Variants in GTF3C3 observed in about 807,000 individuals in gnomAD.
GTF3C3 encodes general transcription factor 3C polypeptide 3.
GTF3C3 carries 75 observed loss-of-function variants against 105.2 expected under a neutral mutation model. That is an observed-to-expected ratio of 0.71 (90% confidence interval 0.59 to 0.86). GTF3C3 has a LOEUF of 0.86. GTF3C3 is among the 40% of genes least tolerant of loss of function. The probability of loss-of-function intolerance (pLI) is 0.00; values close to 1 mark genes in which losing one functional copy is unlikely to be tolerated. For missense variants in GTF3C3, 856 were observed against 1,076.5 expected, an observed-to-expected ratio of 0.80 and a Z score of 2.87; for synonymous variants, 335 against 370.4, an observed-to-expected ratio of 0.90 and a Z score of 1.10.
chr2:196,779,159 T>C, intron 9 of GTF3C3, 92 bp from the exon 10 acceptor site: 1 of 992,746 alleles, frequency 1.0e-6, no homozygotes. Context: ...ATGAAGTCTC[T>C]CCCTGTCACC....
At chr2:196,781,355 A>ATATATATTATAT (rs1442698575) in intron 8 of GTF3C3, among the ~76,000 whole-genome samples, 1 of 31,186 alleles carries the variant, frequency 3.2e-5, no homozygotes, top group Non-Finnish European at 7.2e-5. Flanking sequence ...AAAAAAAAAA[A>ATATATATTATAT]AAATATATAT....
intron 1 of GTF3C3, among the ~76,000 whole-genome samples, chr2:196,798,149 T>C (rs1338310155): frequency 6.6e-6 from 1 of 152,164 alleles, no homozygotes; most frequent in Non-Finnish European, 1.5e-5. Flanking sequence ...AGTACTTATA[T>C]CTTACCCTTC....
rs1699520753 is a variant in GTF3C3 at position 196,790,068 on chromosome 2, G to A, written c.538C>T (p.Pro180Ser). 5 of 1,582,358 alleles carry A rather than the reference G, an allele frequency of 3.2e-6. No homozygotes were observed. The highest frequency in any genetic ancestry group is 3.4e-6 in the Non-Finnish European group (4 of 1,166,770). Residue 180 changes from proline (P) to serine (S), a missense_variant and splice_region_variant, in exon 5 of 18, where the codon CCT (proline) becomes TCT (serine). By Grantham distance (74) the Pro-to-Ser change is moderately conservative. Around this residue, in one of 3 missense-constraint regions of GTF3C3, gnomAD observed 605 missense variants for 833.6 expected, o/e 0.73. Transcript: ENST00000263956. The stretch of plus-strand genomic sequence containing the variant: ...GTAGAGAATGGCTCATAAGCCAGAG[G>A]AGCTATAACAAATTAAAAAAATAAA... ...LMCMEIIRQA[P>S]LAYEPFSTLA...
intron 6 of GTF3C3, among the ~76,000 whole-genome samples, chr2:196,787,573 G>C (rs530661450): frequency 1.3e-5 from 2 of 152,028 alleles, no homozygotes; most frequent in Non-Finnish European, 2.9e-5. Context: ...CCTTTAGTCA[G>C]TATGACCATA....
chr2:196,790,602 T>C lies in GTF3C3; in HGVS notation c.536-532A>G, dbSNP rs540728938. On this transcript the variant is annotated intron_variant, in intron 4 of 17. Transcript: ENST00000263956. The stretch of plus-strand genomic sequence containing the variant: ...AGTCAAAGATTTTTGTCAAGAACAA[T>C]TATAAACTAAAATAAAGGAACAAAT... Among the ~76,000 whole-genome samples, 5 of 152,202 alleles carry C rather than the reference T, an allele frequency of 3.3e-5. No individual in the cohort carries two copies. In the South Asian group the frequency reaches 1.0e-3, roughly 32 times the overall value.
At chr2:196,793,793 A>C (rs1699593715) in intron 2 of GTF3C3, among the ~76,000 whole-genome samples, 1 of 152,186 alleles carries the variant, frequency 6.6e-6, no homozygotes, top group East Asian at 1.9e-4. Context: ...AAATAACATG[A>C]CATAGTTCAT....
chr2:196,771,818 T>G lies in GTF3C3; in HGVS notation c.2190A>C (p.Pro730=). ...RFCLRLMLKN[P]ENHALCVLNG... is the part of the protein sequence containing the mutation. ...TTAAGACACATAGGGCATGATTTTC[T>G]GGGTTTTTCAGCATCAAACGGAGAC... Residue 730 remains proline (P), a synonymous_variant, in exon 15 of 18, where the codon CCA becomes CCC. Transcript: ENST00000263956. The G allele has an allele frequency of 6.2e-7, 1 of 1,613,460 alleles. No individual in the cohort carries two copies. Among genetic ancestry groups the G allele is most frequent in the Non-Finnish European group, 8.5e-7 (1 of 1,179,336 alleles).
At chr2:196,781,727 C>CTTAG (rs971119213) in intron 8 of GTF3C3, among the ~76,000 whole-genome samples, 4 of 152,040 alleles carry the variant, frequency 2.6e-5, no homozygotes, top group African/African-American at 9.6e-5. Flanking sequence ...TATCACTGAG[C>CTTAG]TCTAAGCCAA....
At chr2:196,793,173 G>T (rs371525979) in intron 2 of GTF3C3, 21 bp from the exon 3 acceptor site, 2 of 1,526,326 alleles carry the variant, frequency 1.3e-6, no homozygotes, top group Middle Eastern at 1.7e-4. Flanking sequence ...AGACATTGAT[G>T]GGGGAGGGGT....
At position 196,768,935 on chromosome 2, in the gene GTF3C3, G is replaced by A. The variant is rs1307659659; in HGVS notation, c.2385+980C>T. Among the ~76,000 whole-genome samples, 5 of 152,042 alleles carry A rather than the reference G, an allele frequency of 3.3e-5. No homozygotes were observed. In the East Asian group the frequency reaches 7.7e-4, roughly 23 times the overall value. Reference sequence around the variant, plus strand: ...CATCTGTGTACTTACTCACTGCTACGTCCCCGATTCCTGGCACACAATGAG... The same window carrying A: ...CATCTGTGTACTTACTCACTGCTACATCCCCGATTCCTGGCACACAATGAG... On this transcript the variant is annotated intron_variant, in intron 16 of 17. Coordinates refer to ENST00000263956, the MANE Select transcript of GTF3C3 (RefSeq NM_012086.5).
intron 13 of GTF3C3, 45 bp from the exon 14 acceptor site, chr2:196,773,198 G>T: frequency 9.6e-7 from 1 of 1,039,052 alleles, no homozygotes; most frequent in Non-Finnish European, 1.4e-6. Context: ...TGTATTTCCA[G>T]AAATAGCAGT....
chr2:196,790,056 C>G lies in GTF3C3; in HGVS notation c.550G>C (p.Glu184Gln). 1 of 1,604,638 alleles carries G rather than the reference C, an allele frequency of 6.2e-7. No homozygotes were observed. The highest frequency in any genetic ancestry group is 8.5e-7 in the Non-Finnish European group (1 of 1,176,682). Reference protein sequence around the residue: ...EIIRQAPLAYEPFSTLAMIYE... With the variant: ...EIIRQAPLAYQPFSTLAMIYE... ...ATCATGGCTAGAGTAGAGAATGGCT[C>G]ATAAGCCAGAGGAGCTATAACAAAT... Residue 184 changes from glutamate to glutamine, a missense_variant, in exon 5 of 18, where the codon GAG becomes CAG. By Grantham distance (29) the Glu-to-Gln change is conservative. Around this residue, in one of 3 missense-constraint regions of GTF3C3, gnomAD observed 605 missense variants for 833.6 expected, o/e 0.73. Coordinates refer to ENST00000263956, the MANE Select transcript of GTF3C3 (RefSeq NM_012086.5).
At chr2:196,777,977 T>C (rs1445996651) in intron 10 of GTF3C3, 1 of 152,220 alleles carries the variant, frequency 6.6e-6, no homozygotes, top group African/African-American at 2.4e-5. Context: ...TACGATGGTA[T>C]TACATTTGTA....
chr2:196,780,772 C>G, intron 8 of GTF3C3, 110 bp from the exon 9 acceptor site: 1 of 1,317,458 alleles, frequency 7.6e-7, no homozygotes, highest in Non-Finnish European at 1.0e-6. Context: ...ACAGTCAATT[C>G]TTAGTGTGGC....
At chr2:196,780,971 TGAAAA>T in intron 8 of GTF3C3, 1 of 188,094 alleles carries the variant, frequency 5.3e-6, no homozygotes, top group South Asian at 1.9e-4. Context: ...TTTCTTGAAT[TGAAAA>T]GTCTCTTTTT....
rs1434128301 is a variant in GTF3C3 at position 196,790,077 on chromosome 2, C to A, written c.536-7G>T. ...GGCTCATAAGCCAGAGGAGCTATAA[C>A]AAATTAAAAAAATAAATTCCATTGG... On this transcript the variant is annotated splice_polypyrimidine_tract_variant and splice_region_variant and intron_variant, in intron 4 of 17. Coordinates refer to ENST00000263956, the MANE Select transcript of GTF3C3 (RefSeq NM_012086.5). 3 of 1,574,132 alleles carry A rather than the reference C, an allele frequency of 1.9e-6. No individual in the cohort carries two copies. Among genetic ancestry groups the A allele is most frequent in the East Asian group, 2.3e-5 (1 of 44,074 alleles).
Position 196,799,654 on chromosome 2 carries a change from G to C in GTF3C3, c.-43C>G, listed in dbSNP as rs1345701192. 3 of 1,404,024 alleles carry C rather than the reference G, an allele frequency of 2.1e-6. No individual in the cohort carries two copies. The highest frequency in any genetic ancestry group is 1.4e-5 in the African/African-American group (1 of 70,654). The allele number at this position is 1,404,024 out of a possible 1,614,324, so 87.0% of individuals were successfully genotyped here. On this transcript the variant is annotated 5_prime_UTR_variant, in exon 1 of 18. Transcript: ENST00000263956. ...GTGCAACCCCAGGAACCGGGACAGA[G>C]AACCGGAAGAGCAGCGCCTTCCAGA...
Position 196,763,157 on chromosome 2 carries a change from T to C in GTF3C3, c.*1406A>G, listed in dbSNP as rs1424503331. The C allele has an allele frequency of 6.6e-6, 1 of 152,186 alleles. No homozygotes were observed. Among genetic ancestry groups the C allele is most frequent in the African/African-American group, 2.4e-5 (1 of 41,440 alleles). 9.4% of individuals were successfully genotyped at this position (152,186 alleles called of 1,614,324 possible). On this transcript the variant is annotated 3_prime_UTR_variant, in exon 18 of 18. Coordinates refer to ENST00000263956, the MANE Select transcript of GTF3C3 (RefSeq NM_012086.5). ...TATCCAAAGTGTTTAGCACCATACT[T>C]AGCATACAGTAGCAGAGTAAAAACT...
Position 196,764,614 on chromosome 2 carries a change from A to G in GTF3C3, c.2610T>C (p.Ser870=), listed in dbSNP as rs1699027464. The G allele has an allele frequency of 6.2e-7, 1 of 1,613,454 alleles. No homozygotes were observed. The highest frequency in any genetic ancestry group is 1.3e-5 in the African/African-American group (1 of 75,026). Residue 870 remains serine, a synonymous_variant, in exon 18 of 18, where the codon AGT becomes AGC. Coordinates refer to ENST00000263956, the MANE Select transcript of GTF3C3 (RefSeq NM_012086.5). ...AYNLSLIYQS[S]GNTGMAQTLL... is the part of the protein sequence containing the mutation. ...GCGTTTGAGCCATTCCGGTATTCCC[A>G]CTGCTCTGATAGATGAGAGACAAGT...
Sources: gnomAD v4.1 joint callset for allele counts (sites outside exome capture counted in the v4.1 genomes callset) on GRCh38, gnomAD v4.1.1 for gene constraint, gnomAD v4.1.1 regional missense constraint, MANE v1.5 for transcripts, NCBI Gene and HGNC (gene_info 2026-07-23, HGNC 2026-07-21) for gene names.